Variants in SEM1 observed in about 807,000 individuals in gnomAD.
SEM1 encodes the protein 26S proteasome complex subunit SEM1.
In SEM1, 3 loss-of-function variants were observed where a neutral mutation model predicts 12.7. The observed-to-expected ratio is 0.24, with a 90% confidence interval of 0.11 to 0.61. SEM1 has a LOEUF of 0.61. Ranked by LOEUF, SEM1 falls within the 20% of genes least tolerant of loss-of-function variation. The pLI, the probability that SEM1 is intolerant of heterozygous loss-of-function variation, is 0.88. For synonymous variants in SEM1, 30 were observed against 27.8 expected (o/e 1.08, Z -0.25); for missense variants, 59 against 81.3 (o/e 0.73, Z 1.06).
chr7:96,522,724 C>CT (rs1011166308), intron 2 of SEM1, among the ~76,000 whole-genome samples: 19 of 50,044 alleles, frequency 3.8e-4, no homozygotes, highest in African/African-American at 1.1e-3. Context: ...CTAAAAATAC[C>CT]CCCCCCCCAA....
At chr7:96,554,793 C>CT (rs1805424349) in intron 2 of SEM1, among the ~76,000 whole-genome samples, 1 of 151,452 alleles carries the variant, frequency 6.6e-6, no homozygotes, top group African/African-American at 2.4e-5. Flanking sequence ...CCTTGTACCT[C>CT]TGGTAGAATT....
intron 1 of SEM1, among the ~76,000 whole-genome samples, chr7:96,705,158 T>C (rs945720428): frequency 2.0e-5 from 3 of 152,134 alleles, no homozygotes; most frequent in African/African-American, 7.2e-5. Context: ...ATCATAACAC[T>C]GTCTTATCCA....
rs77996374 is a variant in SEM1 at position 96,572,423 on chromosome 7, G to A, written c.171-65725C>T. On this transcript the variant is annotated intron_variant and NMD_transcript_variant, in intron 2 of 3. Coordinates refer to the SEM1 transcript ENST00000466986. ...CTGCTTTCTCCTGTTGGCATCTAGC[G>A]CTATAAATTTCCCCCTAAACACTGC... Among the ~76,000 whole-genome samples the A allele has an allele frequency of 5.2e-3, 787 of 152,226 alleles. 5 individuals carry two copies. The highest frequency in any genetic ancestry group is 0.017 in the African/African-American group (719 of 41,538).
upstream of SEM1, among the ~76,000 whole-genome samples, chr7:96,498,377 C>CTG (rs10661423): frequency 0.72 from 109,281 of 151,994 alleles, 39,766 homozygotes; most frequent in East Asian, 0.87. Flanking sequence ...GCACGTGTGT[C>CTG]TGTGTAAGTG....
intron 2 of SEM1, among the ~76,000 whole-genome samples, chr7:96,513,183 C>T (rs1255987250): frequency 1.3e-5 from 2 of 151,980 alleles, no homozygotes; most frequent in African/African-American, 4.8e-5. Flanking sequence ...ACCAGGAGAA[C>T]ACCCTGAACA....
chr7:96,524,167 C>T (rs1804372102), intron 2 of SEM1, among the ~76,000 whole-genome samples: 1 of 152,150 alleles, frequency 6.6e-6, no homozygotes, highest in Non-Finnish European at 1.5e-5. Flanking sequence ...TCCAATCCTT[C>T]TACTCATCTC....
At chr7:96,581,278 T>G (rs1806395812) in intron 2 of SEM1, among the ~76,000 whole-genome samples, 1 of 152,206 alleles carries the variant, frequency 6.6e-6, no homozygotes, top group Non-Finnish European at 1.5e-5. Context: ...ATCAGATAGT[T>G]GCAGATATGC....
intron 2 of SEM1, among the ~76,000 whole-genome samples, chr7:96,678,022 G>A (rs894258325): frequency 6.6e-6 from 1 of 152,128 alleles, no homozygotes; most frequent in African/African-American, 2.4e-5. Context: ...AATGCCTGAC[G>A]CTTGGTAGCT....
chr7:96,709,050 T>A (rs937158704), intron 1 of SEM1, among the ~76,000 whole-genome samples: 2 of 152,114 alleles, frequency 1.3e-5, no homozygotes, highest in East Asian at 3.9e-4. Context: ...CCTGACCTTA[T>A]GTGATCCTCC....
At chr7:96,667,841 G>C (rs1396105151) in intron 2 of SEM1, among the ~76,000 whole-genome samples, 3 of 152,202 alleles carry the variant, frequency 2.0e-5, no homozygotes, top group African/African-American at 7.2e-5. Context: ...GGTATTTACA[G>C]GTAAATATGA....
chr7:96,642,999 T>C (rs1370764379), intron 2 of SEM1, among the ~76,000 whole-genome samples: 1 of 152,128 alleles, frequency 6.6e-6, no homozygotes, highest in Non-Finnish European at 1.5e-5. Context: ...GTTTGTTACA[T>C]AGGTAAACTT....
chr7:96,505,159 G>A (rs968437528), intron 3 of SEM1, among the ~76,000 whole-genome samples: 1 of 151,926 alleles, frequency 6.6e-6, no homozygotes, highest in African/African-American at 2.4e-5. Flanking sequence ...CTGGAGTGCA[G>A]TGGTGCCATC....
chr7:96,518,550 GAGTTGGGATATCA>G (rs2115609038), intron 2 of SEM1, among the ~76,000 whole-genome samples: 1 of 152,184 alleles, frequency 6.6e-6, no homozygotes, highest in South Asian at 2.1e-4. Flanking sequence ...CTAATTACTG[GAGTTGGGATATCA>G]CTGCTGCCAG....
At chr7:96,566,383 T>A (rs1805843706) in intron 2 of SEM1, among the ~76,000 whole-genome samples, 1 of 151,652 alleles carries the variant, frequency 6.6e-6, no homozygotes, top group Non-Finnish European at 1.5e-5. Context: ...TTGACAAGGC[T>A]GAAAATATCT....
intron 2 of SEM1, among the ~76,000 whole-genome samples, chr7:96,596,507 A>C (rs560455078): frequency 1.3e-4 from 20 of 152,168 alleles, no homozygotes; most frequent in Non-Finnish European, 7.3e-5. Flanking sequence ...GGCCGTGTGC[A>C]TCTTGATTTC....
chr7:96,540,658 C>T (rs999095538), intron 2 of SEM1, among the ~76,000 whole-genome samples: 3 of 151,694 alleles, frequency 2.0e-5, no homozygotes, highest in Admixed American at 6.6e-5. Context: ...AACATTTGCA[C>T]GTTTGTTACA....
intron 2 of SEM1, among the ~76,000 whole-genome samples, chr7:96,656,816 C>G (rs1056581853): frequency 1.3e-5 from 2 of 150,036 alleles, no homozygotes; most frequent in Non-Finnish European, 3.0e-5. Context: ...CTGATATAGC[C>G]CAGTTGAAGA....
At chr7:96,674,945 A>G (rs1789413783) in intron 2 of SEM1, among the ~76,000 whole-genome samples, 2 of 152,300 alleles carry the variant, frequency 1.3e-5, no homozygotes, top group East Asian at 3.9e-4. Context: ...ATGGAGGAAG[A>G]AGGAGCAGGG....
At chr7:96,580,454 G>C (rs1216003885) in intron 2 of SEM1, among the ~76,000 whole-genome samples, 1 of 151,430 alleles carries the variant, frequency 6.6e-6, no homozygotes, top group East Asian at 2.0e-4. Flanking sequence ...CTTTATAGCA[G>C]CATGATTTAT....
Sources: allele counts gnomAD v4.1 joint callset (sites outside exome capture counted in the v4.1 genomes callset), GRCh38; gene constraint gnomAD v4.1.1; transcripts MANE v1.5; gene names NCBI Gene and HGNC (gene_info 2026-07-23, HGNC 2026-07-21).